Variants in PPM1L observed in about 807,000 individuals in gnomAD.
PPM1L encodes protein phosphatase, Mg2+/Mn2+ dependent 1L, also known as protein phosphatase 1L.
Under a neutral mutation model 31.4 loss-of-function variants are expected in PPM1L, and 13 were observed. That is an observed-to-expected ratio of 0.41 (90% CI 0.27 to 0.66). PPM1L has a LOEUF of 0.66. PPM1L is among the 30% of genes least tolerant of loss of function. The pLI, the probability that PPM1L is intolerant of heterozygous loss-of-function variation, is 0.29. For missense variants in PPM1L, 326 were observed against 453.7 expected, an observed-to-expected ratio of 0.72 and a Z score of 2.56; for synonymous variants, 184 against 175.4, an observed-to-expected ratio of 1.05 and a Z score of -0.39.
At chr3:160,968,084 T>A (rs1167376109) in intron 2 of PPM1L, among the ~76,000 whole-genome samples, 2 of 152,018 alleles carry the variant, frequency 1.3e-5, no homozygotes, top group African/African-American at 4.8e-5. Context: ...TTTCATAGCA[T>A]CTGCTCATGA....
At chr3:161,014,629 C>G (rs1199903815) in intron 2 of PPM1L, among the ~76,000 whole-genome samples, 2 of 152,128 alleles carry the variant, frequency 1.3e-5, no homozygotes, top group Non-Finnish European at 2.9e-5. Flanking sequence ...CACACGCCAC[C>G]ACGCCCAGCT....
chr3:161,022,128 T>C, intron 2 of PPM1L: 1 of 679,380 alleles, frequency 1.5e-6, no homozygotes, highest in Non-Finnish European at 2.7e-6. Context: ...TCTGTTTTAA[T>C]TCCATTTTTT....
chr3:161,056,740 C>T (rs1260477002), intron 2 of PPM1L, among the ~76,000 whole-genome samples: 2 of 151,960 alleles, frequency 1.3e-5, no homozygotes, highest in Admixed American at 6.6e-5. Context: ...AGCATTATGT[C>T]TGTGCAGTGT....
chr3:160,911,281 T>C (rs1713963542), intron 1 of PPM1L, among the ~76,000 whole-genome samples: 1 of 152,094 alleles, frequency 6.6e-6, no homozygotes, highest in South Asian at 2.1e-4. Context: ...GTCAGAGTAA[T>C]GAGATTGAGG....
intron 1 of PPM1L, among the ~76,000 whole-genome samples, chr3:160,828,145 T>A (rs929422665): frequency 2.0e-4 from 30 of 151,638 alleles, no homozygotes; most frequent in Middle Eastern, 3.4e-3. Flanking sequence ...GGGTGGGGAG[T>A]GGGGAGTCAT....
chr3:160,855,173 T>C (rs1373472307), intron 1 of PPM1L, among the ~76,000 whole-genome samples: 1 of 152,168 alleles, frequency 6.6e-6, no homozygotes, highest in Non-Finnish European at 1.5e-5. Flanking sequence ...GCTAGCCCTA[T>C]GCAGAAGACT....
chr3:160,950,601 C>T (rs1715550405), intron 1 of PPM1L, among the ~76,000 whole-genome samples: 1 of 152,160 alleles, frequency 6.6e-6, no homozygotes, highest in Admixed American at 6.5e-5. Context: ...CCTGGAGGTC[C>T]ACTCTAAAGA....
chr3:160,772,450 C>T (rs1715282060), intron 1 of PPM1L, among the ~76,000 whole-genome samples: 1 of 152,174 alleles, frequency 6.6e-6, no homozygotes, highest in South Asian at 2.1e-4. Context: ...GTCCTCATTC[C>T]TTAGCCTCCA....
chr3:160,814,554 C>G (rs1034205902), intron 1 of PPM1L, among the ~76,000 whole-genome samples: 1 of 101,754 alleles, frequency 9.8e-6, no homozygotes, highest in African/African-American at 4.0e-5. Context: ...TATATACACA[C>G]ACACATATGT....
At chr3:160,876,713 T>A (rs1712524581) in intron 1 of PPM1L, among the ~76,000 whole-genome samples, 1 of 152,212 alleles carries the variant, frequency 6.6e-6, no homozygotes, top group Non-Finnish European at 1.5e-5. Flanking sequence ...GAAGTCCTTT[T>A]AATACAGAGT....
At chr3:160,830,833 G>T (rs899877243) in intron 1 of PPM1L, among the ~76,000 whole-genome samples, 1 of 152,024 alleles carries the variant, frequency 6.6e-6, no homozygotes, top group African/African-American at 2.4e-5. Flanking sequence ...TTCATACTTC[G>T]CATGAATAAG....
chr3:160,779,910 C>A (rs534611958), intron 1 of PPM1L, among the ~76,000 whole-genome samples: 3 of 151,914 alleles, frequency 2.0e-5, no homozygotes, highest in Non-Finnish European at 4.4e-5. Flanking sequence ...TGAAAAAATG[C>A]GAATGATTTT....
chr3:160,934,284 A>T (rs1714885223), intron 1 of PPM1L, among the ~76,000 whole-genome samples: 1 of 152,252 alleles, frequency 6.6e-6, no homozygotes, highest in Non-Finnish European at 1.5e-5. Context: ...CCAAAGTCAA[A>T]TAAGTGGAAA....
intron 1 of PPM1L, among the ~76,000 whole-genome samples, chr3:160,954,660 G>A (rs561720826): frequency 2.6e-5 from 4 of 152,100 alleles, no homozygotes; most frequent in South Asian, 2.1e-4. Flanking sequence ...CACTGTGTCC[G>A]GACTTAATCT....
chr3:160,951,436 G>A (rs1213699946), intron 1 of PPM1L, among the ~76,000 whole-genome samples: 3 of 152,218 alleles, frequency 2.0e-5, no homozygotes, highest in Non-Finnish European at 2.9e-5. Flanking sequence ...GGTTTTGATC[G>A]AAATAATAAG....
chr3:160,920,068 G>C (rs1434058210), intron 1 of PPM1L, among the ~76,000 whole-genome samples: 4 of 152,036 alleles, frequency 2.6e-5, no homozygotes, highest in Admixed American at 6.6e-5. Flanking sequence ...GGTCACCATG[G>C]CTCCTTCTAT....
chr3:160,989,293 A>G (rs1350499317), intron 2 of PPM1L, among the ~76,000 whole-genome samples: 7 of 152,196 alleles, frequency 4.6e-5, no homozygotes, highest in Non-Finnish European at 7.3e-5. Flanking sequence ...TTAGGGAAAA[A>G]CAATTTAAGT....
intron 1 of PPM1L, among the ~76,000 whole-genome samples, chr3:160,886,772 C>T (rs114500920): frequency 0.075 from 11,455 of 152,044 alleles, 535 homozygotes; most frequent in African/African-American, 0.12. Context: ...AACAAAAAAA[C>T]GCAGAAAACC....
At chr3:160,956,745 A>C (rs7613316) in intron 1 of PPM1L, among the ~76,000 whole-genome samples, 2 of 152,086 alleles carry the variant, frequency 1.3e-5, no homozygotes, top group Non-Finnish European at 2.9e-5. Flanking sequence ...AGAAAATTAA[A>C]GACCAAGAAT....
Sources: allele counts gnomAD v4.1 joint callset (sites outside exome capture counted in the v4.1 genomes callset), GRCh38; gene constraint gnomAD v4.1.1; transcripts MANE v1.5; gene names NCBI Gene and HGNC (gene_info 2026-07-23, HGNC 2026-07-21).